The following GPC5 variants were observed in gnomAD, a reference collection of about 807,000 sequenced individuals.
The protein encoded by GPC5 is glypican 5, also known as glypican-5.
In GPC5, 47 loss-of-function variants were observed where a neutral mutation model predicts 53.9. That is an observed-to-expected ratio of 0.87 (90% CI 0.69 to 1.11). GPC5 has a LOEUF of 1.11. Among genes scored for constraint, GPC5 ranks in the 50% most tolerant of loss-of-function variants. The probability of loss-of-function intolerance (pLI) is 0.00; values close to 1 mark genes in which losing one functional copy is unlikely to be tolerated. For synonymous variants in GPC5, 286 were observed against 263.3 expected, an observed-to-expected ratio of 1.09 and a Z score of -0.84; for missense variants, 748 against 713.1, an observed-to-expected ratio of 1.05 and a Z score of -0.56.
chr13:92,280,205 G>T (rs2042904650), intron 7 of GPC5, among the ~76,000 whole-genome samples: 1 of 151,968 alleles, frequency 6.6e-6, no homozygotes. Flanking sequence ...TCTTGTAATT[G>T]CTATAATATT....
intron 6 of GPC5, among the ~76,000 whole-genome samples, chr13:92,049,419 A>G (rs1291252813): frequency 6.6e-6 from 1 of 152,170 alleles, no homozygotes; most frequent in African/African-American, 2.4e-5. Context: ...TGTCGAATGA[A>G]TAAATACAGG....
intron 6 of GPC5, among the ~76,000 whole-genome samples, chr13:92,110,629 A>G (rs1442189368): frequency 2.0e-5 from 3 of 152,210 alleles, no homozygotes; most frequent in Non-Finnish European, 4.4e-5. Context: ...GACAAGGGTC[A>G]ATAATTTATC....
intron 7 of GPC5, among the ~76,000 whole-genome samples, chr13:92,452,397 TAGAA>T (rs1410337087): frequency 2.0e-5 from 3 of 152,170 alleles, no homozygotes; most frequent in African/African-American, 4.8e-5. Flanking sequence ...CTCAAGTTCT[TAGAA>T]GGAGTAGAAT....
intron 6 of GPC5, among the ~76,000 whole-genome samples, chr13:91,986,392 T>C (rs934958395): frequency 6.6e-6 from 1 of 152,210 alleles, no homozygotes; most frequent in Non-Finnish European, 1.5e-5. Flanking sequence ...TATTTTCTAC[T>C]TTTTAAACAC....
At chr13:91,691,131 CAG>C (rs1307904541) in intron 2 of GPC5, among the ~76,000 whole-genome samples, 2 of 152,160 alleles carry the variant, frequency 1.3e-5, no homozygotes, top group African/African-American at 2.4e-5. Flanking sequence ...TCTGTGAAAA[CAG>C]AGTGTAGTGG....
At chr13:91,922,614 A>G (rs1418359895) in intron 6 of GPC5, among the ~76,000 whole-genome samples, 2 of 152,192 alleles carry the variant, frequency 1.3e-5, no homozygotes, top group Non-Finnish European at 2.9e-5. Flanking sequence ...CATAGAACAC[A>G]TGTATTCTTA....
chr13:91,476,379 G>A (rs1346058583), intron 2 of GPC5, among the ~76,000 whole-genome samples: 1 of 152,180 alleles, frequency 6.6e-6, no homozygotes, highest in Non-Finnish European at 1.5e-5. Flanking sequence ...ACTTCACCCA[G>A]TGTTACATTG....
intron 7 of GPC5, among the ~76,000 whole-genome samples, chr13:92,569,908 T>C (rs570748140): frequency 6.6e-6 from 1 of 152,162 alleles, no homozygotes; most frequent in Non-Finnish European, 1.5e-5. Context: ...TGTTCTTTCT[T>C]TCCTATAATC....
intron 7 of GPC5, among the ~76,000 whole-genome samples, chr13:92,402,637 G>A (rs755894267): frequency 9.9e-5 from 15 of 152,164 alleles, no homozygotes; most frequent in Non-Finnish European, 2.9e-5. Context: ...CCTCACATGC[G>A]CAGTTCACAA....
At chr13:92,377,769 A>G (rs1271406869) in intron 7 of GPC5, among the ~76,000 whole-genome samples, 1 of 152,228 alleles carries the variant, frequency 6.6e-6, no homozygotes, top group Non-Finnish European at 1.5e-5. Flanking sequence ...TGATGATCAA[A>G]GAAAACATTA....
intron 7 of GPC5, among the ~76,000 whole-genome samples, chr13:92,554,739 T>G (rs1419993959): frequency 6.6e-6 from 1 of 150,946 alleles, no homozygotes; most frequent in Non-Finnish European, 1.5e-5. Context: ...TATTAAAATT[T>G]TATTAATATG....
chr13:92,412,307 T>A (rs889651332), intron 7 of GPC5, among the ~76,000 whole-genome samples: 1 of 152,264 alleles, frequency 6.6e-6, no homozygotes, highest in Admixed American at 6.5e-5. Context: ...GTTTAAGAAA[T>A]TCAGAATATA....
intron 7 of GPC5, among the ~76,000 whole-genome samples, chr13:92,438,001 T>C (rs1366512851): frequency 6.6e-6 from 1 of 152,106 alleles, no homozygotes; most frequent in African/African-American, 2.4e-5. Context: ...TAATTGCATA[T>C]ATACCATATA....
chr13:91,410,635 T>C (rs77958712), intron 1 of GPC5, among the ~76,000 whole-genome samples: 7,190 of 152,058 alleles, frequency 0.047, 222 homozygotes, highest in African/African-American at 0.07. Context: ...CGTGAGCCAC[T>C]ACGCCCGGCC....
At chr13:91,404,557 T>TTAG (rs1566366730) in intron 1 of GPC5, among the ~76,000 whole-genome samples, 1 of 152,220 alleles carries the variant, frequency 6.6e-6, no homozygotes, top group African/African-American at 2.4e-5. Context: ...CTTTTCAGTT[T>TTAG]TAGTAAATCT....
chr13:91,410,518 T>C (rs900646762), intron 1 of GPC5, among the ~76,000 whole-genome samples: 1 of 151,782 alleles, frequency 6.6e-6, no homozygotes, highest in Non-Finnish European at 1.5e-5. Flanking sequence ...GCTAATTTTT[T>C]TGTATTTTTA....
chr13:91,973,411 A>C (rs1046317268), intron 6 of GPC5, among the ~76,000 whole-genome samples: 2 of 152,116 alleles, frequency 1.3e-5, no homozygotes, highest in African/African-American at 4.8e-5. Flanking sequence ...CATTGGTTTG[A>C]ATTTCCTCCT....
At chr13:92,492,098 C>T (rs944307013) in intron 7 of GPC5, among the ~76,000 whole-genome samples, 13 of 151,984 alleles carry the variant, frequency 8.6e-5, no homozygotes, top group African/African-American at 3.1e-4. Flanking sequence ...TTTTATCATT[C>T]TTGTGCAACA....
intron 7 of GPC5, chr13:92,446,887 GT>G: frequency 6.6e-6 from 1 of 151,646 alleles, no homozygotes; most frequent in South Asian, 2.1e-4. Context: ...GATCGGTGAT[GT>G]TGAGTATCTT....
Sources: gnomAD v4.1 joint callset for allele counts (sites outside exome capture counted in the v4.1 genomes callset) on GRCh38, gnomAD v4.1.1 for gene constraint, MANE v1.5 for transcripts, NCBI Gene and HGNC (gene_info 2026-07-23, HGNC 2026-07-21) for gene names.